Variants in METTL21C observed in about 807,000 individuals in gnomAD.
The protein encoded by METTL21C is protein-lysine methyltransferase METTL21C.
METTL21C carries 21 observed loss-of-function variants against 25.9 expected under a neutral mutation model. The observed-to-expected ratio is 0.81, with a 90% CI of 0.58 to 1.17. METTL21C has a LOEUF of 1.17. Ranked by LOEUF, METTL21C falls within the 50% of genes most tolerant of loss-of-function variation. The pLI, the probability that METTL21C is intolerant of heterozygous loss-of-function variation, is 0.00. For missense variants in METTL21C, 312 were observed against 315.1 expected, an observed-to-expected ratio of 0.99 and a Z score of 0.07; for synonymous variants, 125 against 124.7, an observed-to-expected ratio of 1.00 and a Z score of -0.01.
intron 2 of METTL21C, among the ~76,000 whole-genome samples, chr13:102,687,929 T>C (rs920255056): frequency 1.3e-5 from 2 of 152,218 alleles, no homozygotes; most frequent in Non-Finnish European, 2.9e-5. Flanking sequence ...TTGATTTGCA[T>C]TGATTGCTGA....
rs1885916960 is a variant in METTL21C at position 102,694,873 on chromosome 13, T to TCTCTC, written c.-376_-375insGAGAG. On this transcript the variant is annotated 5_prime_UTR_variant, in exon 1 of 4. Transcript: ENST00000267273. ...ATTACTTTGCTAGAATTCTCTCTCT[T>TCTCTC]TCTCTCTCTCTCTCTCTCTCTCTCT... Among the ~76,000 whole-genome samples, 6 of 128,304 alleles carry TCTCTC rather than the reference T, an allele frequency of 4.7e-5. No individual in the cohort carries two copies. The highest frequency in any genetic ancestry group is 1.5e-4 in the African/African-American group (5 of 33,778). 84.2% of individuals were successfully genotyped at this position (128,304 alleles called of 152,430 possible). A position where few individuals can be genotyped will look rare whatever the true frequency, so the allele number is the denominator to read the frequency against.
Position 102,689,862 on chromosome 13 carries a change from A to G in METTL21C, c.282+951T>C, listed in dbSNP as rs1402585195. 2.0e-5 allele frequency among the ~76,000 whole-genome samples: 3 copies of G among 152,228 alleles called. No individual in the cohort carries two copies. In the East Asian group the frequency reaches 5.8e-4, roughly 29 times the overall value. ...ACTTCATTTAATCTCACAATCTGAA[A>G]TTAATTCTCACAATTCTGACAACCA... On this transcript the variant is annotated intron_variant, in intron 2 of 3. Coordinates refer to ENST00000267273, the MANE Select transcript of METTL21C (RefSeq NM_001010977.3).
At chr13:102,693,430 G>A (rs1339944304) in intron 1 of METTL21C, among the ~76,000 whole-genome samples, 2 of 152,122 alleles carry the variant, frequency 1.3e-5, no homozygotes, top group Non-Finnish European at 2.9e-5. Flanking sequence ...AGCCCCTGCC[G>A]GCTTCCCTGC....
upstream of METTL21C, among the ~76,000 whole-genome samples, chr13:102,697,929 G>T (rs1885972065): frequency 6.6e-6 from 1 of 152,158 alleles, no homozygotes. Flanking sequence ...TTCCACTCCA[G>T]CTGCAGAGAG....
At chr13:102,689,402 T>C (rs1885769079) in intron 2 of METTL21C, among the ~76,000 whole-genome samples, 1 of 152,236 alleles carries the variant, frequency 6.6e-6, no homozygotes, top group African/African-American at 2.4e-5. Flanking sequence ...TAGAGCTCCC[T>C]GTTTGGGAGT....
chr13:102,687,762 C>T (rs1885714109), intron 2 of METTL21C, among the ~76,000 whole-genome samples: 1 of 152,170 alleles, frequency 6.6e-6, no homozygotes, highest in Non-Finnish European at 1.5e-5. Context: ...GGCCCATGTA[C>T]CCACTTTGAG....
rs760303347 is a variant in METTL21C at position 102,694,491 on chromosome 13, A to T, written c.8T>A (p.Val3Glu). The stretch of plus-strand genomic sequence containing the variant: ...AGGCTGCTGCGCGGAGCTCAGACAC[A>T]CGTCCATAGCCGGCTGTCCCAAAGA... The part of the protein sequence containing the change: MD[V>E]CLSSAQQPGR... The change falls in exon 1 of 4, where the codon GTG (valine) becomes GAG (glutamate). Residue 3 changes from valine to glutamate, a missense_variant. Val to Glu is a moderately radical substitution (Grantham distance 121). Transcript: ENST00000267273. The T allele has an allele frequency of 7.0e-7, 1 of 1,431,218 alleles. No individual in the cohort carries two copies. The highest frequency in any genetic ancestry group is 1.2e-5 in the South Asian group (1 of 84,156). 88.7% of individuals were successfully genotyped at this position (1,431,218 alleles called of 1,614,324 possible). A position where few individuals can be genotyped will look rare whatever the true frequency, so the allele number is the denominator to read the frequency against.
upstream of METTL21C, among the ~76,000 whole-genome samples, chr13:102,696,950 A>G (rs1885957252): frequency 6.6e-6 from 1 of 152,198 alleles, no homozygotes; most frequent in African/African-American, 2.4e-5. Flanking sequence ...GGGCAGGGAC[A>G]CACAAGTTGT....
At chr13:102,692,582 G>A (rs181168706) in intron 1 of METTL21C, among the ~76,000 whole-genome samples, 65 of 151,444 alleles carry the variant, frequency 4.3e-4, no homozygotes, top group African/African-American at 1.3e-3. Context: ...AAAAAAAAAT[G>A]TGAATGAAGT....
At chr13:102,694,294 T>G (rs1239748175) in intron 1 of METTL21C, 75 bp downstream of exon 1, 1 of 1,508,486 alleles carries the variant, frequency 6.6e-7, no homozygotes, top group East Asian at 2.5e-5. Flanking sequence ...TTCTTGTCAC[T>G]GAAATTTACT....
chr13:102,697,057 G>C (rs946448768), upstream of METTL21C, among the ~76,000 whole-genome samples: 2 of 152,110 alleles, frequency 1.3e-5, no homozygotes, highest in African/African-American at 4.8e-5. Context: ...AAGCAGATTT[G>C]GGCTCAACAG....
intron 2 of METTL21C, among the ~76,000 whole-genome samples, chr13:102,690,528 A>C (rs1885802690): frequency 6.6e-6 from 1 of 152,094 alleles, no homozygotes; most frequent in African/African-American, 2.4e-5. Context: ...TTTATTCTTA[A>C]CAATTTATAC....
In METTL21C at chr13:102,694,435, C is replaced by A. The variant is rs758770059; in HGVS notation, c.64G>T (p.Gly22Cys). The A allele has an allele frequency of 2.0e-6, 3 of 1,465,830 alleles. No individual in the cohort carries two copies. In the South Asian group the frequency reaches 3.5e-5, roughly 17 times the overall value. The allele number at this position is 1,465,830 out of a possible 1,614,324, so 90.8% of individuals were successfully genotyped here. A position where few individuals can be genotyped will look rare whatever the true frequency, so the allele number is the denominator to read the frequency against. The change falls in exon 1 of 4, where the codon GGT becomes TGT. Residue 22 changes from glycine to cysteine, a missense_variant. Coordinates refer to ENST00000267273, the MANE Select transcript of METTL21C (RefSeq NM_001010977.3). ...GRRGEGLSSP[G>C]GWLEAEKKGA... Reference sequence around the variant, plus strand: ...TTCTTCTCAGCCTCTAACCAGCCACCCGGGGAGCTGAGTCCTTCCCCCCGG... The same window carrying A: ...TTCTTCTCAGCCTCTAACCAGCCACACGGGGAGCTGAGTCCTTCCCCCCGG...
upstream of METTL21C, among the ~76,000 whole-genome samples, chr13:102,698,093 A>G (rs1465671362): frequency 2.0e-5 from 3 of 152,194 alleles, no homozygotes; most frequent in Non-Finnish European, 4.4e-5. Flanking sequence ...AACAGGAGCA[A>G]GTGAAATTTT....
intron 3 of METTL21C, among the ~76,000 whole-genome samples, chr13:102,686,674 T>C (rs642498): frequency 0.66 from 100,304 of 151,436 alleles, 33,387 homozygotes; most frequent in Middle Eastern, 0.7. Context: ...TCACCTCACC[T>C]GTGGGATTGA....
chr13:102,702,937 T>C, the METTL21C span, among the ~76,000 whole-genome samples: 1 of 152,174 alleles, frequency 6.6e-6, no homozygotes. Flanking sequence ...TTAGAAAGGG[T>C]AATTTTTAAA....
chr13:102,696,163 C>T (rs980919530), upstream of METTL21C, among the ~76,000 whole-genome samples: 2 of 151,986 alleles, frequency 1.3e-5, no homozygotes, highest in Admixed American at 6.5e-5. Context: ...ACCTCTTTAA[C>T]CTAGCATCCT....
chr13:102,695,454 G>T (rs1885932417), upstream of METTL21C, among the ~76,000 whole-genome samples: 1 of 152,146 alleles, frequency 6.6e-6, no homozygotes, highest in African/African-American at 2.4e-5. Context: ...TAGAATATAG[G>T]TCACACAAAG....
At chr13:102,700,454 C>T in the METTL21C span, among the ~76,000 whole-genome samples, 1 of 152,194 alleles carries the variant, frequency 6.6e-6, no homozygotes, top group Non-Finnish European at 1.5e-5. Flanking sequence ...TCTCCAACTG[C>T]AACTATGTGT....
Sources: gnomAD v4.1 joint callset for allele counts (sites outside exome capture counted in the v4.1 genomes callset) on GRCh38, gnomAD v4.1.1 for gene constraint, MANE v1.5 for transcripts, NCBI Gene and HGNC (gene_info 2026-07-23, HGNC 2026-07-21) for gene names.